PARD3: variants seen among roughly 807,000 people sequenced by gnomAD.
PARD3 encodes partitioning defective 3 homolog.
A neutral mutation model predicts 155.4 loss-of-function variants in PARD3; 75 were observed. The observed-to-expected ratio is 0.48, with a 90% CI of 0.40 to 0.58. The LOEUF (loss-of-function observed/expected upper bound fraction) is 0.58. PARD3 is among the 20% of genes least tolerant of loss of function. PARD3 has a pLI of 0.00. For missense variants in PARD3, 1,642 were observed against 1,721.7 expected (o/e 0.95, Z 0.82); for synonymous variants, 576 against 610.5 (o/e 0.94, Z 0.83).
Position 34,227,856 on chromosome 10 carries a change from TTATA to T in PARD3, c.3419+41797_3419+41800del, listed in dbSNP as rs55681930. Among the ~76,000 whole-genome samples the T allele has an allele frequency of 5.8e-4, 48 of 82,210 alleles. 2 individuals are homozygous for T. Among genetic ancestry groups the T allele is most frequent in the East Asian group, 3.4e-3 (14 of 4,172 alleles). 53.9% of individuals were successfully genotyped at this position (82,210 alleles called of 152,430 possible). A position where few individuals can be genotyped will look rare whatever the true frequency, so the allele number is the denominator to read the frequency against. On this transcript the variant is annotated intron_variant, in intron 22 of 24. Transcript: ENST00000374788. ...TATTCCCAGTAATGGGAATTATTTTTTATATATATATATATATATATATATATAC... is the reference window on the plus strand; with the variant it reads ...TATTCCCAGTAATGGGAATTATTTTTTATATATATATATATATATATATAC...
At position 34,579,133 on chromosome 10, in the gene PARD3, G is replaced by T. The variant is rs115470492; in HGVS notation, c.223-61974C>A. Among the ~76,000 whole-genome samples the T allele has an allele frequency of 7.2e-3, 1,103 of 152,258 alleles. 14 individuals are homozygous for T. The highest frequency in any genetic ancestry group is 0.026 in the African/African-American group (1,062 of 41,550). ...AAAAATGCAAAACTTAGACGGGCAT[G>T]GTGGCGTGCGCCTGTAATCCCAGCT... is the stretch of plus-strand genomic sequence containing the variant. On this transcript the variant is annotated intron_variant, in intron 2 of 24. Coordinates refer to ENST00000374788, the MANE Select transcript of PARD3 (RefSeq NM_001184785.2).
intron 2 of PARD3, among the ~76,000 whole-genome samples, chr10:34,532,877 T>C (rs2082954140): frequency 6.6e-6 from 1 of 152,210 alleles, no homozygotes; most frequent in African/African-American, 2.4e-5. Flanking sequence ...CAGGGATACA[T>C]TCTGGTTAGG....
intron 22 of PARD3, among the ~76,000 whole-genome samples, chr10:34,133,367 C>A (rs999912542): frequency 3.3e-5 from 5 of 152,180 alleles, no homozygotes; most frequent in African/African-American, 9.7e-5. Context: ...AAGCCACACA[C>A]CCCTGCTGCA....
At chr10:34,400,424 T>C (rs998564983) in intron 6 of PARD3, among the ~76,000 whole-genome samples, 54 of 152,218 alleles carry the variant, frequency 3.5e-4, no homozygotes, top group African/African-American at 1.3e-3. Flanking sequence ...GACAATGTAA[T>C]TTTCTAAACT....
intron 5 of PARD3, among the ~76,000 whole-genome samples, chr10:34,422,949 G>A (rs773454208): frequency 5.7e-4 from 86 of 152,110 alleles, no homozygotes; most frequent in Admixed American, 3.3e-4. Context: ...CAAAGAAAAT[G>A]CAATCAGTAT....
intron 19 of PARD3, among the ~76,000 whole-genome samples, chr10:34,317,928 G>A (rs952786028): frequency 1.3e-4 from 20 of 152,254 alleles, no homozygotes; most frequent in African/African-American, 4.8e-4. Flanking sequence ...ACTCTTCTTT[G>A]CATAAGGCCA....
At chr10:34,782,292 C>T (rs1840330938) in intron 1 of PARD3, among the ~76,000 whole-genome samples, 1 of 152,140 alleles carries the variant, frequency 6.6e-6, no homozygotes, top group Non-Finnish European at 1.5e-5. Flanking sequence ...TCTAAGACAG[C>T]AGAGGCAGAA....
chr10:34,389,766 C>T (rs1381395832), intron 7 of PARD3, among the ~76,000 whole-genome samples: 1 of 152,046 alleles, frequency 6.6e-6, no homozygotes, highest in African/African-American at 2.4e-5. Context: ...AGTACTGCCA[C>T]TGAAAGCATG....
chr10:34,113,496 AACACACACACAC>A (rs58408464), intron 24 of PARD3, among the ~76,000 whole-genome samples: 3 of 148,020 alleles, frequency 2.0e-5, no homozygotes, highest in Non-Finnish European at 4.5e-5. Context: ...ATAAGACAGA[AACACACACACAC>A]ACACACACAC....
intron 2 of PARD3, among the ~76,000 whole-genome samples, chr10:34,540,740 C>A (rs1198323099): frequency 6.6e-6 from 1 of 152,030 alleles, no homozygotes; most frequent in East Asian, 1.9e-4. Flanking sequence ...CATGACCATG[C>A]CACTGTGTTC....
chr10:34,646,201 T>C (rs1025091475), intron 2 of PARD3, among the ~76,000 whole-genome samples: 2 of 152,232 alleles, frequency 1.3e-5, no homozygotes, highest in African/African-American at 2.4e-5. Flanking sequence ...TGGATTAGTA[T>C]AGATGAATGA....
intron 4 of PARD3, among the ~76,000 whole-genome samples, chr10:34,469,021 G>T (rs950765626): frequency 6.6e-6 from 1 of 152,150 alleles, no homozygotes; most frequent in African/African-American, 2.4e-5. Context: ...AGATTCAAAA[G>T]TGAAAATGAC....
intron 1 of PARD3, among the ~76,000 whole-genome samples, chr10:34,741,705 G>A (rs2095022149): frequency 6.6e-6 from 1 of 152,148 alleles, no homozygotes; most frequent in South Asian, 2.1e-4. Flanking sequence ...CTGCTTCTGT[G>A]GAGCAGATGA....
intron 2 of PARD3, among the ~76,000 whole-genome samples, chr10:34,594,400 GTCT>G (rs1483003330): frequency 6.6e-6 from 1 of 152,068 alleles, no homozygotes; most frequent in Non-Finnish European, 1.5e-5. Context: ...GAACTAAATG[GTCT>G]TCTCCAATAT....
chr10:34,279,097 T>C (rs1956031027), intron 21 of PARD3, among the ~76,000 whole-genome samples: 3 of 151,504 alleles, frequency 2.0e-5, no homozygotes, highest in African/African-American at 7.3e-5. Context: ...ATATATAGTA[T>C]GCCTAACGCT....
intron 22 of PARD3, among the ~76,000 whole-genome samples, chr10:34,134,061 C>T (rs1947757076): frequency 6.6e-6 from 1 of 152,202 alleles, no homozygotes; most frequent in Admixed American, 6.5e-5. Context: ...GTCCACGTCA[C>T]TTCAAAATGT....
intron 21 of PARD3, among the ~76,000 whole-genome samples, chr10:34,282,496 C>A (rs1217847446): frequency 6.6e-6 from 1 of 152,112 alleles, no homozygotes; most frequent in Non-Finnish European, 1.5e-5. Context: ...TTTGACTAAG[C>A]ATCATAAAAG....
intron 4 of PARD3, among the ~76,000 whole-genome samples, chr10:34,452,666 A>C (rs959489779): frequency 6.6e-6 from 1 of 151,982 alleles, no homozygotes; most frequent in Non-Finnish European, 1.5e-5. Flanking sequence ...GCTGATTATT[A>C]TCTCTCTGGA....
intron 22 of PARD3, among the ~76,000 whole-genome samples, chr10:34,145,221 A>ATT (rs57442429): frequency 8.8e-4 from 30 of 33,966 alleles, no homozygotes; most frequent in Admixed American, 2.0e-3. Flanking sequence ...ATATATATAT[A>ATT]TTTTTTTTTT....
Sources: allele counts gnomAD v4.1 joint callset (sites outside exome capture counted in the v4.1 genomes callset), GRCh38; gene constraint gnomAD v4.1.1; transcripts MANE v1.5; gene names NCBI Gene and HGNC (gene_info 2026-07-23, HGNC 2026-07-21).